CLASP1: variants seen among roughly 807,000 people sequenced by gnomAD.
CLASP1 encodes cytoplasmic linker associated protein 1.
In CLASP1, 38 loss-of-function variants were observed where a neutral mutation model predicts 192.3. The ratio of observed to expected loss-of-function variants is 0.20; its 90% CI spans 0.15 to 0.26. CLASP1 has a LOEUF of 0.26. Among genes scored for constraint, CLASP1 ranks in the 10% least tolerant of loss-of-function variants. The pLI, the probability that CLASP1 is intolerant of heterozygous loss-of-function variation, is 1.00. For synonymous variants in CLASP1, 691 were observed against 712.8 expected (o/e 0.97, Z 0.49); for missense variants, 1,433 against 1,932.5 (o/e 0.74, Z 4.85).
chr2:121,445,860 T>C (rs1385962459), intron 19 of CLASP1, among the ~76,000 whole-genome samples: 2 of 152,074 alleles, frequency 1.3e-5, no homozygotes, highest in Non-Finnish European at 2.9e-5. Context: ...AAAACAAAAA[T>C]ACTGAGGCTG....
At chr2:121,554,454 TAAAAA>T (rs56965310) in intron 2 of CLASP1, among the ~76,000 whole-genome samples, 5 of 87,528 alleles carry the variant, frequency 5.7e-5, no homozygotes, top group African/African-American at 2.2e-4. Context: ...CTACAAAAAG[TAAAAA>T]AAAAAAAAAA....
At chr2:121,588,842 G>A (rs1373010291) in intron 2 of CLASP1, among the ~76,000 whole-genome samples, 2 of 152,170 alleles carry the variant, frequency 1.3e-5, no homozygotes, top group East Asian at 3.9e-4. Flanking sequence ...TCTTCTTTTA[G>A]GAGACTTGGC....
chr2:121,365,392 C>A (rs768219220), intron 35 of CLASP1, 108 bp from the exon 37 acceptor site: 3 of 1,074,706 alleles, frequency 2.8e-6, no homozygotes, highest in Non-Finnish European at 4.1e-6. Flanking sequence ...CTCCCAGAGG[C>A]GATGCCTCCT....
intron 34 of CLASP1, among the ~76,000 whole-genome samples, chr2:121,372,556 G>A (rs966735401): frequency 5.9e-5 from 9 of 152,082 alleles, no homozygotes; most frequent in Non-Finnish European, 8.8e-5. Context: ...AAGAGAATTC[G>A]TTATATTTCA....
At chr2:121,627,209 A>G (rs928021873) in intron 1 of CLASP1, among the ~76,000 whole-genome samples, 2 of 152,246 alleles carry the variant, frequency 1.3e-5, no homozygotes, top group Non-Finnish European at 2.9e-5. Flanking sequence ...CATTGGGGGA[A>G]ACTGGGTGAA....
chr2:121,420,907 T>C (rs2079384561), intron 22 of CLASP1, among the ~76,000 whole-genome samples: 1 of 152,224 alleles, frequency 6.6e-6, no homozygotes, highest in African/African-American at 2.4e-5. Context: ...AGTAAACAGA[T>C]ATGATCTGAA....
intron 2 of CLASP1, among the ~76,000 whole-genome samples, chr2:121,560,329 T>C (rs1202555936): frequency 6.6e-6 from 1 of 152,216 alleles, no homozygotes; most frequent in Non-Finnish European, 1.5e-5. Context: ...TGCATTTCCT[T>C]AAAAACTTAC....
At chr2:121,412,456 G>C (rs1488355726) in intron 23 of CLASP1, among the ~76,000 whole-genome samples, 1 of 151,776 alleles carries the variant, frequency 6.6e-6, no homozygotes, top group East Asian at 1.9e-4. Context: ...TAGTTTTACA[G>C]ATGATCTTTG....
chr2:121,573,095 G>A (rs1441062978), intron 2 of CLASP1, among the ~76,000 whole-genome samples: 1 of 152,114 alleles, frequency 6.6e-6, no homozygotes, highest in South Asian at 2.1e-4. Context: ...TAGTAGCTAA[G>A]ATTACAGGTG....
At chr2:121,423,103 A>G (rs2079790017) in intron 22 of CLASP1, among the ~76,000 whole-genome samples, 1 of 152,158 alleles carries the variant, frequency 6.6e-6, no homozygotes, top group Non-Finnish European at 1.5e-5. Flanking sequence ...CACAGGAAAA[A>G]AATGAAAATA....
intron 29 of CLASP1, among the ~76,000 whole-genome samples, chr2:121,397,953 C>T (rs895979775): frequency 6.6e-6 from 1 of 152,140 alleles, no homozygotes; most frequent in Non-Finnish European, 1.5e-5. Flanking sequence ...AATAAGATAC[C>T]TATCTCTACA....
intron 2 of CLASP1, among the ~76,000 whole-genome samples, chr2:121,575,528 G>C (rs556407975): frequency 3.9e-5 from 6 of 152,160 alleles, no homozygotes; most frequent in Non-Finnish European, 8.8e-5. Context: ...GTAAAAGGGA[G>C]AAAGTAAGAG....
intron 37 of CLASP1, among the ~76,000 whole-genome samples, chr2:121,362,797 T>C (rs1425125894): frequency 6.6e-6 from 1 of 152,238 alleles, no homozygotes; most frequent in Non-Finnish European, 1.5e-5. Context: ...GGGACTTGCA[T>C]GTCTGTGATT....
At position 121,347,206 on chromosome 2, in the gene CLASP1, C is replaced by G. The variant is rs543276294; in HGVS notation, c.4414-52G>C. 120 of 1,207,678 alleles carry G rather than the reference C, an allele frequency of 9.9e-5. No homozygotes were observed. The African/African-American group carries it at 1.5e-3, about 15-fold the overall frequency. The allele number at this position is 1,207,678 out of a possible 1,614,324, so 74.8% of individuals were successfully genotyped here. ...AGGAAACCAGATCAAAGATTCATTCCATAGCCAACATCTCATCAACGTTTC... is the reference window on the plus strand; with the variant it reads ...AGGAAACCAGATCAAAGATTCATTCGATAGCCAACATCTCATCAACGTTTC... On this transcript the variant is annotated intron_variant, in intron 38 of 39. Coordinates refer to ENST00000263710, the Ensembl canonical transcript of CLASP1.
At chr2:121,588,173 C>CAAAAAAAA (rs397769809) in intron 2 of CLASP1, among the ~76,000 whole-genome samples, 2 of 61,054 alleles carry the variant, frequency 3.3e-5, no homozygotes, top group African/African-American at 4.7e-5. Flanking sequence ...GACTCCGTCT[C>CAAAAAAAA]AAAAAAAAAA....
intron 1 of CLASP1, among the ~76,000 whole-genome samples, chr2:121,611,247 G>A (rs373424468): frequency 2.3e-5 from 3 of 129,746 alleles, no homozygotes; most frequent in Admixed American, 7.5e-5. Context: ...AGGAGGAGGC[G>A]TTGGAGGAGT....
At chr2:121,460,955 A>G (rs2087810639) in intron 11 of CLASP1, 146 bp downstream of exon 11, 2 of 590,588 alleles carry the variant, frequency 3.4e-6, no homozygotes, top group East Asian at 3.2e-5. Flanking sequence ...ACACTCTACT[A>G]AAAAGGTGAA....
chr2:121,610,594 G>T, intron 1 of CLASP1, among the ~76,000 whole-genome samples: 1 of 149,622 alleles, frequency 6.7e-6, no homozygotes, highest in Admixed American at 6.6e-5. Flanking sequence ...GGAGAAGGAG[G>T]AGGAGGAGTT....
rs538262612 is a variant in CLASP1 at position 121,525,628 on chromosome 2, GCCA to G, written c.546+214_546+216del. Among the ~76,000 whole-genome samples, 308 of 152,176 alleles carry G rather than the reference GCCA, an allele frequency of 2.0e-3. 1 individual carries two copies. The highest frequency in any genetic ancestry group is 5.9e-3 in the African/African-American group (245 of 41,524). ...CCTGTGTATAGAAGAGGACAGACTG[GCCA>G]CCACATTTACCAATTTTATACTTAA... On this transcript the variant is annotated intron_variant, in intron 6 of 39. Coordinates refer to ENST00000263710, the Ensembl canonical transcript of CLASP1.
Sources: allele counts gnomAD v4.1 joint callset (sites outside exome capture counted in the v4.1 genomes callset), GRCh38; gene constraint gnomAD v4.1.1; transcripts MANE v1.5; gene names NCBI Gene and HGNC (gene_info 2026-07-23, HGNC 2026-07-21).